Variants in CTNNA3 observed in about 807,000 individuals in gnomAD.
The protein encoded by CTNNA3 is catenin alpha 3.
A neutral mutation model predicts 95.7 loss-of-function variants in CTNNA3; 76 were observed. That is an observed-to-expected ratio of 0.79 (90% CI 0.66 to 0.96). CTNNA3 has a LOEUF of 0.96. Ranked by LOEUF, CTNNA3 falls within the 40% of genes least tolerant of loss-of-function variation. The pLI is 0.00. For synonymous variants in CTNNA3, 431 were observed against 374.4 expected (o/e 1.15, Z -1.74); for missense variants, 1,191 against 1,089.8 (o/e 1.09, Z -1.31).
chr10:66,075,845 T>G (rs2080543438), intron 14 of CTNNA3, among the ~76,000 whole-genome samples: 2 of 151,764 alleles, frequency 1.3e-5, no homozygotes, highest in African/African-American at 4.8e-5. Flanking sequence ...ACAATTTTTT[T>G]TTTGGCTTTC....
At chr10:66,440,347 T>C (rs1275942395) in intron 11 of CTNNA3, among the ~76,000 whole-genome samples, 1 of 152,200 alleles carries the variant, frequency 6.6e-6, no homozygotes, top group African/African-American at 2.4e-5. Flanking sequence ...CCTATTTTTC[T>C]AGTGAAATTT....
chr10:66,833,153 T>TAGTC (rs1166910453), intron 7 of CTNNA3, among the ~76,000 whole-genome samples: 1 of 152,230 alleles, frequency 6.6e-6, no homozygotes. Context: ...TGTTGCTAGG[T>TAGTC]AGTCCTCTGA....
chr10:67,548,168 TAA>T (rs1443880850), intron 3 of CTNNA3, among the ~76,000 whole-genome samples: 2 of 152,084 alleles, frequency 1.3e-5, no homozygotes, highest in Non-Finnish European at 2.9e-5. Flanking sequence ...TCTAGTTGTT[TAA>T]AAGAGTCTGG....
intron 14 of CTNNA3, among the ~76,000 whole-genome samples, chr10:66,085,947 G>A (rs1032037921): frequency 4.6e-5 from 7 of 152,052 alleles, no homozygotes; most frequent in African/African-American, 1.7e-4. Flanking sequence ...TCAAAACACA[G>A]GGTTGATGGT....
rs1212237098 is a variant in CTNNA3, at chr10:67,341,808, AC to A, written c.580-121939del. On this transcript the variant is annotated intron_variant, in intron 5 of 17. Coordinates refer to ENST00000433211, the MANE Select transcript of CTNNA3 (RefSeq NM_013266.4). ...AATGGTTGTACTAATTTATAATCCC[AC>A]CAAGAGTGTACAATGACTCCCTTTT... Among the ~76,000 whole-genome samples the A allele has an allele frequency of 5.9e-5, 9 of 152,220 alleles. No homozygotes were observed. In the South Asian group the frequency reaches 1.9e-3, roughly 32 times the overall value.
rs1241230944 is a variant in CTNNA3 at position 65,914,874 on chromosome 10, C to T, written c.*5456G>A. ...TGAGAATATTCAGCTAATTATATAT[C>T]TGTCTTGAATGATGTAAAATATATA... On this transcript the variant is annotated 3_prime_UTR_variant, in exon 18 of 18. Coordinates refer to ENST00000433211, the MANE Select transcript of CTNNA3 (RefSeq NM_013266.4). The T allele has an allele frequency of 6.6e-6, 1 of 152,140 alleles. No homozygotes were observed. Among genetic ancestry groups the T allele is most frequent in the South Asian group, 2.1e-4 (1 of 4,830 alleles). 9.4% of individuals were successfully genotyped at this position (152,140 alleles called of 1,614,324 possible).
intron 7 of CTNNA3, among the ~76,000 whole-genome samples, chr10:66,910,072 A>C (rs1279982949): frequency 6.6e-6 from 1 of 152,190 alleles, no homozygotes; most frequent in Non-Finnish European, 1.5e-5. Context: ...TCCCTAGAAA[A>C]TGTTTATGAA....
chr10:67,217,703 T>A (rs1864447091), intron 6 of CTNNA3, among the ~76,000 whole-genome samples: 1 of 152,186 alleles, frequency 6.6e-6, no homozygotes, highest in Non-Finnish European at 1.5e-5. Context: ...TGGAAATGTC[T>A]TCTTCTTTAA....
chr10:67,042,564 G>T (rs1162331757), intron 7 of CTNNA3, among the ~76,000 whole-genome samples: 1 of 151,982 alleles, frequency 6.6e-6, no homozygotes, highest in Non-Finnish European at 1.5e-5. Flanking sequence ...AACATATAAG[G>T]TAAGAAAAGG....
intron 10 of CTNNA3, among the ~76,000 whole-genome samples, chr10:66,575,550 C>A (rs573741518): frequency 3.3e-5 from 5 of 152,200 alleles, no homozygotes; most frequent in African/African-American, 1.2e-4. Flanking sequence ...GGTCAAGGGA[C>A]TATTATTAGT....
intron 5 of CTNNA3, among the ~76,000 whole-genome samples, chr10:67,298,262 C>T (rs575397921): frequency 6.6e-6 from 1 of 152,210 alleles, no homozygotes; most frequent in Non-Finnish European, 1.5e-5. Flanking sequence ...TAGCATTTAT[C>T]CAGTAAATGG....
chr10:66,056,188 A>G lies in CTNNA3; in HGVS notation c.2159+13120T>C, dbSNP rs1156810559. Among the ~76,000 whole-genome samples the G allele has an allele frequency of 9.2e-5, 14 of 152,092 alleles. 1 individual carries two copies. ...TATATATAGCGTTTATCTTATTGAGATATTTTTCATTTTGAGGACAAATAC... is the reference window on the plus strand; with the variant it reads ...TATATATAGCGTTTATCTTATTGAGGTATTTTTCATTTTGAGGACAAATAC... On this transcript the variant is annotated intron_variant, in intron 15 of 17. Transcript: ENST00000433211.
chr10:66,326,812 T>TA (rs138991125), intron 12 of CTNNA3, among the ~76,000 whole-genome samples: 1 of 152,050 alleles, frequency 6.6e-6, no homozygotes, highest in South Asian at 2.1e-4. Context: ...AAATATATTT[T>TA]AAAAAATCCT....
intron 1 of CTNNA3, among the ~76,000 whole-genome samples, chr10:67,730,627 A>C (rs888814293): frequency 1.3e-5 from 2 of 152,150 alleles, no homozygotes; most frequent in African/African-American, 4.8e-5. Flanking sequence ...TTGGAGCAGA[A>C]GGATAGAGGC....
intron 9 of CTNNA3, among the ~76,000 whole-genome samples, chr10:66,646,508 T>C (rs1845712872): frequency 6.6e-6 from 1 of 152,180 alleles, no homozygotes; most frequent in African/African-American, 2.4e-5. Flanking sequence ...AAGACATGTC[T>C]GTATGGAAAT....
chr10:66,603,363 A>G (rs2605498), intron 10 of CTNNA3, among the ~76,000 whole-genome samples: 48,606 of 151,964 alleles, frequency 0.32, 9,125 homozygotes, highest in East Asian at 0.84. Flanking sequence ...TATATCACAC[A>G]TAAGAATAAA....
chr10:67,524,101 C>T (rs947233016), intron 4 of CTNNA3, among the ~76,000 whole-genome samples: 3 of 152,222 alleles, frequency 2.0e-5, no homozygotes, highest in Admixed American at 1.3e-4. Context: ...AGCAAACACA[C>T]TTGTAAAGAG....
In CTNNA3 at chr10:67,430,929, G is replaced by C. The variant is rs145986545; in HGVS notation, c.579+90913C>G. ...AATCACCTTTTGTCCCCAGCCTAAAGATATTATCTTTAGCAAAGATAAATA... is the reference window on the plus strand; with the variant it reads ...AATCACCTTTTGTCCCCAGCCTAAACATATTATCTTTAGCAAAGATAAATA... On this transcript the variant is annotated intron_variant, in intron 5 of 17. Coordinates refer to ENST00000433211, the MANE Select transcript of CTNNA3 (RefSeq NM_013266.4). Among the ~76,000 whole-genome samples, 518 of 151,308 alleles carry C rather than the reference G, an allele frequency of 3.4e-3. 4 individuals are homozygous for C. Among genetic ancestry groups the C allele is most frequent in the African/African-American group, 0.012 (475 of 41,284 alleles).
intron 5 of CTNNA3, among the ~76,000 whole-genome samples, chr10:67,300,003 G>C (rs1840202380): frequency 1.3e-5 from 2 of 152,186 alleles, no homozygotes; most frequent in Non-Finnish European, 2.9e-5. Context: ...GGTTCTCGAA[G>C]TGTCATGTCC....
Sources: gnomAD v4.1 joint callset for allele counts (sites outside exome capture counted in the v4.1 genomes callset) on GRCh38, gnomAD v4.1.1 for gene constraint, MANE v1.5 for transcripts, NCBI Gene and HGNC (gene_info 2026-07-23, HGNC 2026-07-21) for gene names.